The following HCN1 variants were observed in gnomAD, a reference collection of about 807,000 sequenced individuals.
HCN1 encodes potassium/sodium hyperpolarization-activated cyclic nucleotide-gated channel 1.
Under a neutral mutation model 78.9 loss-of-function variants are expected in HCN1, and 13 were observed. The ratio of observed to expected loss-of-function variants is 0.16; its 90% confidence interval spans 0.11 to 0.26. The LOEUF is 0.26. Ranked by LOEUF, HCN1 falls within the 10% of genes least tolerant of loss-of-function variation. HCN1 has a pLI of 1.00. For missense variants in HCN1, 810 were observed against 1,154.3 expected (o/e 0.70, Z 4.32); for synonymous variants, 552 against 455.5 (o/e 1.21, Z -2.70).
chr5:45,439,587 TTC>T (rs1554024985), intron 3 of HCN1, among the ~76,000 whole-genome samples: 1 of 152,032 alleles, frequency 6.6e-6, no homozygotes. Context: ...TTAAACAGAG[TTC>T]TGTTTTTATT....
intron 2 of HCN1, among the ~76,000 whole-genome samples, chr5:45,499,895 T>C (rs1742153511): frequency 6.6e-6 from 1 of 152,172 alleles, no homozygotes; most frequent in South Asian, 2.1e-4. Flanking sequence ...CTGTTGATAA[T>C]TTTTACTCAG....
chr5:45,445,352 C>A (rs1217523900), intron 3 of HCN1, among the ~76,000 whole-genome samples: 1 of 152,202 alleles, frequency 6.6e-6, no homozygotes, highest in Non-Finnish European at 1.5e-5. Flanking sequence ...TGCCATTGCC[C>A]AGGCTTGCTT....
chr5:45,407,020 G>A (rs1040865293), intron 3 of HCN1, among the ~76,000 whole-genome samples: 4 of 152,118 alleles, frequency 2.6e-5, no homozygotes, highest in Non-Finnish European at 2.9e-5. Flanking sequence ...ATCCTTGCCC[G>A]AGGCTCAGCA....
chr5:45,514,536 T>TGTAA (rs1742483202), intron 2 of HCN1, among the ~76,000 whole-genome samples: 2 of 152,146 alleles, frequency 1.3e-5, no homozygotes, highest in African/African-American at 4.8e-5. Context: ...GTTCCAATTC[T>TGTAA]ATTTTTCAAT....
intron 1 of HCN1, among the ~76,000 whole-genome samples, chr5:45,676,485 G>A (rs1746268784): frequency 6.6e-6 from 1 of 151,568 alleles, no homozygotes; most frequent in African/African-American, 2.4e-5. Context: ...TTTTTAACAT[G>A]TTCAGAGCAA....
At chr5:45,544,774 T>A (rs1328041172) in intron 2 of HCN1, among the ~76,000 whole-genome samples, 1 of 152,174 alleles carries the variant, frequency 6.6e-6, no homozygotes, top group African/African-American at 2.4e-5. Context: ...ACAAAGGACA[T>A]GAACTCATCC....
At chr5:45,649,237 T>C (rs537409713) in intron 1 of HCN1, among the ~76,000 whole-genome samples, 1 of 152,098 alleles carries the variant, frequency 6.6e-6, no homozygotes, top group Non-Finnish European at 1.5e-5. Context: ...TGAGTGTGTG[T>C]TTTATTTTTG....
At chr5:45,350,849 C>T (rs951139218) in intron 5 of HCN1, among the ~76,000 whole-genome samples, 1 of 152,150 alleles carries the variant, frequency 6.6e-6, no homozygotes, top group African/African-American at 2.4e-5. Context: ...AGGAGAACTA[C>T]AAACCACTGC....
In HCN1 at chr5:45,262,294, A is replaced by G; in HGVS notation, c.2300T>C (p.Val767Ala). 2 of 1,613,972 alleles carry G rather than the reference A, an allele frequency of 1.2e-6. No individual in the cohort carries two copies. Among genetic ancestry groups the G allele is most frequent in the African/African-American group, 1.3e-5 (1 of 75,044 alleles). Reference protein sequence around the residue: ...TPGSSTPKNEVHKSTQALHNT... With the variant: ...TPGSSTPKNEAHKSTQALHNT... ...GTGAAGCGCCTGCGTGCTCTTGTGCACTTCATTTTTCGGCGTGGAGCTGCC... is the reference window on the plus strand; with the variant it reads ...GTGAAGCGCCTGCGTGCTCTTGTGCGCTTCATTTTTCGGCGTGGAGCTGCC... Residue 767 changes from valine (V) to alanine (A), a missense_variant, in exon 8 of 8, where the codon GTG becomes GCG. Around this residue, in one of 6 missense-constraint regions of HCN1, gnomAD observed 398 missense variants for 381.3 expected, o/e 1.04. Coordinates refer to ENST00000303230, the MANE Select transcript of HCN1 (RefSeq NM_021072.4).
chr5:45,374,145 T>C (rs1403946967), intron 4 of HCN1, among the ~76,000 whole-genome samples: 2 of 113,596 alleles, frequency 1.8e-5, no homozygotes, highest in Non-Finnish European at 3.4e-5. Context: ...ATATACATAT[T>C]ATATATAATA....
At chr5:45,262,926 A>G in intron 7 of HCN1, 116 bp from the exon 8 acceptor site, 1 of 1,097,306 alleles carries the variant, frequency 9.1e-7, no homozygotes, top group Non-Finnish European at 1.3e-6. Flanking sequence ...AGAGGCTTAA[A>G]AAGCCAGTCA....
At chr5:45,541,212 C>T (rs966518313) in intron 2 of HCN1, among the ~76,000 whole-genome samples, 11 of 152,068 alleles carry the variant, frequency 7.2e-5, no homozygotes, top group South Asian at 4.1e-4. Context: ...GGCAGTGTCA[C>T]GTTGTATTTA....
intron 2 of HCN1, among the ~76,000 whole-genome samples, chr5:45,578,080 G>A (rs1032690831): frequency 1.3e-5 from 2 of 151,924 alleles, no homozygotes; most frequent in Non-Finnish European, 2.9e-5. Flanking sequence ...CTGAGAGGAA[G>A]GATATTTTTG....
At chr5:45,410,877 G>A (rs1239438374) in intron 3 of HCN1, among the ~76,000 whole-genome samples, 1 of 152,060 alleles carries the variant, frequency 6.6e-6, no homozygotes, top group Non-Finnish European at 1.5e-5. Context: ...ACCCATCTGA[G>A]AGAACATTTA....
intron 4 of HCN1, among the ~76,000 whole-genome samples, chr5:45,354,755 T>C (rs770866558): frequency 7.2e-5 from 11 of 152,028 alleles, no homozygotes; most frequent in Non-Finnish European, 1.5e-4. Context: ...TGAAGGCCTA[T>C]GTACATCTCT....
At chr5:45,434,596 G>T (rs1455316083) in intron 3 of HCN1, among the ~76,000 whole-genome samples, 2 of 152,240 alleles carry the variant, frequency 1.3e-5, no homozygotes, top group South Asian at 2.1e-4. Context: ...CAAAGCTGCA[G>T]ATTGAGAAGG....
At chr5:45,545,144 A>T (rs1743185410) in intron 2 of HCN1, among the ~76,000 whole-genome samples, 1 of 152,130 alleles carries the variant, frequency 6.6e-6, no homozygotes, top group South Asian at 2.1e-4. Context: ...CGCCATTCTA[A>T]CTGGTGTGAG....
chr5:45,385,418 A>G (rs1747891433), intron 4 of HCN1, among the ~76,000 whole-genome samples: 2 of 152,096 alleles, frequency 1.3e-5, no homozygotes, highest in Admixed American at 1.3e-4. Flanking sequence ...GTGTTTTCAT[A>G]TAACTTCCTG....
rs551244919 is a variant in HCN1, at chr5:45,421,870, A to C, written c.1012-25160T>G. The stretch of plus-strand genomic sequence containing the variant: ...GCATTTCCTTGGTGCTTGCACACAT[A>C]GAAAGATTTTCTCCCCTACTTTTTA... On this transcript the variant is annotated intron_variant, in intron 3 of 7. Transcript: ENST00000303230. 5.3e-5 allele frequency among the ~76,000 whole-genome samples: 8 copies of C among 152,212 alleles called. No homozygotes were observed. The South Asian group carries it at 1.7e-3, about 31-fold the overall frequency.
Sources: allele counts gnomAD v4.1 joint callset (sites outside exome capture counted in the v4.1 genomes callset), GRCh38; gene constraint gnomAD v4.1.1; regional missense constraint gnomAD v4.1.1; transcripts MANE v1.5; gene names NCBI Gene and HGNC (gene_info 2026-07-23, HGNC 2026-07-21).